The following CRK variants were observed in gnomAD, a reference collection of about 807,000 sequenced individuals.
CRK encodes the protein CRK proto-oncogene, adaptor protein, also known as adapter molecule crk.
In CRK, 4 loss-of-function variants were observed where a neutral mutation model predicts 29.8. The observed-to-expected ratio is 0.13, with a 90% CI of 0.07 to 0.31. The LOEUF (loss-of-function observed/expected upper bound fraction) is 0.31. Ranked by LOEUF, CRK falls within the 10% of genes least tolerant of loss-of-function variation. The pLI is 1.00. For missense variants in CRK, 274 were observed against 396.5 expected (o/e 0.69, Z 2.62); for synonymous variants, 153 against 164.9 (o/e 0.93, Z 0.55).
intron 2 of CRK, among the ~76,000 whole-genome samples, chr17:1,430,635 G>A (rs2073834431): frequency 6.6e-6 from 1 of 151,540 alleles, no homozygotes; most frequent in Admixed American, 6.6e-5. Flanking sequence ...AAAGTGCTGG[G>A]ATTACAGGCG....
In CRK at chr17:1,422,901, G is replaced by C; in HGVS notation, c.*612C>G. The C allele has an allele frequency of 2.5e-6, 1 of 398,962 alleles. No individual in the cohort carries two copies. Among genetic ancestry groups the C allele is most frequent in the Non-Finnish European group, 4.4e-6 (1 of 226,104 alleles). The allele number at this position is 398,962 out of a possible 1,614,324, so 24.7% of individuals were successfully genotyped here. ...ACCTACTTACAGGTTTGGGGGACAA[G>C]AATGTCAAGGGCTAAAAGAATCCCA... On this transcript the variant is annotated 3_prime_UTR_variant, in exon 3 of 3. Coordinates refer to ENST00000300574, the MANE Select transcript of CRK (RefSeq NM_016823.4).
At chr17:1,442,363 G>A (rs947103453) in intron 1 of CRK, among the ~76,000 whole-genome samples, 3 of 151,596 alleles carry the variant, frequency 2.0e-5, no homozygotes, top group African/African-American at 7.3e-5. Context: ...TGTTGCCCAC[G>A]CTGGTCTCAA....
At chr17:1,442,947 T>C (rs1432839348) in intron 1 of CRK, among the ~76,000 whole-genome samples, 2 of 150,908 alleles carry the variant, frequency 1.3e-5, no homozygotes, top group African/African-American at 2.4e-5. Context: ...TGGAGTGCAG[T>C]GGCGCAAACT....
rs535495662 is a variant in CRK, at chr17:1,423,282, A to G, written c.*231T>C. 100 of 583,614 alleles carry G rather than the reference A, an allele frequency of 1.7e-4. 1 individual carries two copies. The Admixed American group carries it at 2.6e-3, about 15-fold the overall frequency. 36.2% of individuals were successfully genotyped at this position (583,614 alleles called of 1,614,324 possible). A position where few individuals can be genotyped will look rare whatever the true frequency, so the allele number is the denominator to read the frequency against. On this transcript the variant is annotated 3_prime_UTR_variant, in exon 3 of 3. Coordinates refer to ENST00000300574, the MANE Select transcript of CRK (RefSeq NM_016823.4). ...TCTGATACACACAGGCACGACCACTACCGCCTCCAATTGCCAATTCAGAAG... is the reference window on the plus strand; with the variant it reads ...TCTGATACACACAGGCACGACCACTGCCGCCTCCAATTGCCAATTCAGAAG...
chr17:1,423,848 G>A (rs2073750761), intron 2 of CRK, among the ~76,000 whole-genome samples, 198 bp from the exon 3 acceptor site: 1 of 152,144 alleles, frequency 6.6e-6, no homozygotes, highest in African/African-American at 2.4e-5. Context: ...AGTGTTTTTA[G>A]CAGTGTGGAA....
At chr17:1,430,812 A>G (rs543009047) in intron 2 of CRK, among the ~76,000 whole-genome samples, 8 of 151,540 alleles carry the variant, frequency 5.3e-5, no homozygotes, top group Admixed American at 2.0e-4. Context: ...TCATGCCTGT[A>G]ATCCCAGCAC....
rs529087645 is a variant in CRK, at chr17:1,444,474, A to G, written c.242-7319T>C. Among the ~76,000 whole-genome samples the G allele has an allele frequency of 2.6e-4, 39 of 152,058 alleles. No individual in the cohort carries two copies. The East Asian group carries it at 6.8e-3, about 26-fold the overall frequency. On this transcript the variant is annotated intron_variant, in intron 1 of 2. Coordinates refer to ENST00000300574, the MANE Select transcript of CRK (RefSeq NM_016823.4). ...TGGGAGGCGGAGCCTGCAGTGAGTC[A>G]AGACTGCGCCACTGCCCTCCAGCCT... is the stretch of plus-strand genomic sequence containing the variant.
At chr17:1,449,396 T>C (rs551467765) in intron 1 of CRK, among the ~76,000 whole-genome samples, 1 of 152,314 alleles carries the variant, frequency 6.6e-6, no homozygotes, top group Non-Finnish European at 1.5e-5. Flanking sequence ...TCAGTTATGT[T>C]ATTAAGATTC....
chr17:1,434,169 TGTATCTA>T (rs1392682878), intron 2 of CRK, among the ~76,000 whole-genome samples: 1 of 152,090 alleles, frequency 6.6e-6, no homozygotes, highest in Non-Finnish European at 1.5e-5. Context: ...TAACAGGTAG[TGTATCTA>T]GGGCCCATCG....
At chr17:1,452,375 C>T (rs763408509) in intron 1 of CRK, among the ~76,000 whole-genome samples, 21 of 152,150 alleles carry the variant, frequency 1.4e-4, no homozygotes, top group Non-Finnish European at 2.4e-4. Flanking sequence ...ATATTCTATA[C>T]GCCTCTCTAA....
At chr17:1,428,845 T>A (rs1051730608) in intron 2 of CRK, among the ~76,000 whole-genome samples, 3 of 147,118 alleles carry the variant, frequency 2.0e-5, no homozygotes, top group Non-Finnish European at 4.5e-5. Context: ...AATGTACAGA[T>A]TCTCTCTCTT....
intron 1 of CRK, among the ~76,000 whole-genome samples, chr17:1,452,452 A>T (rs1410583866): frequency 6.6e-6 from 1 of 152,208 alleles, no homozygotes; most frequent in East Asian, 1.9e-4. Flanking sequence ...AAGATTCAGT[A>T]CTTAGTACTT....
intron 2 of CRK, among the ~76,000 whole-genome samples, chr17:1,433,508 G>GATTTTTTTTTTTTTTTTTTTTTTTTTTTT (rs1568012299): frequency 8.7e-6 from 1 of 114,368 alleles, no homozygotes; most frequent in African/African-American, 3.6e-5. Context: ...ACCACGCCTG[G>GATTTTTTTTTTTTTTTTTTTTTTTTTTTT]CTTTTTTTTT....
chr17:1,452,791 CAAAA>C (rs1568023848), intron 1 of CRK, among the ~76,000 whole-genome samples: 2 of 129,168 alleles, frequency 1.5e-5, no homozygotes, highest in Non-Finnish European at 1.6e-5. Flanking sequence ...AACTCGGTCT[CAAAA>C]AGAAAAAAAA....
At chr17:1,445,181 G>C (rs1043664330) in intron 1 of CRK, among the ~76,000 whole-genome samples, 3 of 152,020 alleles carry the variant, frequency 2.0e-5, no homozygotes, top group African/African-American at 7.2e-5. Flanking sequence ...ATTGGAGAGA[G>C]GTAATAAGAC....
At chr17:1,437,820 ATTTTTTT>A (rs34817166) in intron 1 of CRK, among the ~76,000 whole-genome samples, 2 of 136,736 alleles carry the variant, frequency 1.5e-5, no homozygotes, top group African/African-American at 5.4e-5. Context: ...TGACAAGCTA[ATTTTTTT>A]TTTTTTTTTT....
chr17:1,450,241 G>A (rs184655528), intron 1 of CRK, among the ~76,000 whole-genome samples: 2 of 152,246 alleles, frequency 1.3e-5, no homozygotes, highest in East Asian at 3.9e-4. Context: ...AGGCGCGGTG[G>A]CTCAGGCCTG....
chr17:1,435,596 G>A (rs2073880884), intron 2 of CRK, among the ~76,000 whole-genome samples: 1 of 152,102 alleles, frequency 6.6e-6, no homozygotes, highest in Admixed American at 6.6e-5. Flanking sequence ...ACAGGGAATG[G>A]GAACAAGAGG....
rs933109348 is a variant in CRK, at chr17:1,423,105, A to G, written c.*408T>C. The stretch of plus-strand genomic sequence containing the variant: ...TTACTTCACGGGGGTGGAACGGAAC[A>G]GTCTGTCGCCATTTGATAGTATGGT... On this transcript the variant is annotated 3_prime_UTR_variant, in exon 3 of 3. Transcript: ENST00000300574. 7.1e-6 allele frequency: 3 copies of G among 422,372 alleles called. No individual in the cohort carries two copies. The highest frequency in any genetic ancestry group is 8.3e-6 in the Non-Finnish European group (2 of 240,666). 26.2% of individuals were successfully genotyped at this position (422,372 alleles called of 1,614,324 possible).
Sources: allele counts gnomAD v4.1 joint callset (sites outside exome capture counted in the v4.1 genomes callset), GRCh38; gene constraint gnomAD v4.1.1; transcripts MANE v1.5; gene names NCBI Gene and HGNC (gene_info 2026-07-23, HGNC 2026-07-21).